TOMM20L: variants seen among roughly 807,000 people sequenced by gnomAD.
The protein encoded by TOMM20L is TOMM20-like protein 1.
TOMM20L carries 19 observed loss-of-function variants against 20.4 expected under a neutral mutation model. That is an observed-to-expected ratio of 0.93 (90% CI 0.65 to 1.36). TOMM20L has a LOEUF of 1.36. Ranked by LOEUF, TOMM20L falls within the 40% of genes most tolerant of loss-of-function variation. The probability of loss-of-function intolerance (pLI) is 0.00; values close to 1 mark genes in which losing one functional copy is unlikely to be tolerated. For synonymous variants in TOMM20L, 75 were observed against 79.6 expected (o/e 0.94, Z 0.30); for missense variants, 218 against 203.7 (o/e 1.07, Z -0.43).
At chr14:58,408,750 G>T, downstream of TOMM20L, 1 of 732,158 alleles carries the variant, frequency 1.4e-6, no homozygotes. Context: ...CACAATTGAA[G>T]AAACAATGGT....
intron 2 of TOMM20L, among the ~76,000 whole-genome samples, chr14:58,399,696 G>T (rs1335753038): frequency 6.6e-6 from 1 of 151,236 alleles, no homozygotes; most frequent in African/African-American, 2.4e-5. Context: ...CATTCTGTTG[G>T]CACCTCACCT....
Position 58,408,562 on chromosome 14 carries a change from T to G in TOMM20L, c.439T>G (p.Leu147Val). The G allele has an allele frequency of 6.2e-7, 1 of 1,614,066 alleles. No individual in the cohort carries two copies. Among genetic ancestry groups the G allele is most frequent in the East Asian group, 2.2e-5 (1 of 44,874 alleles). ...GGCAGACATGAATGAACAGGACTGC[T>G]TGGAGGATGATCCTGATTGAAAAAC... ...FEADMNEQDC[L>V]EDDPD The change falls in exon 5 of 5, where the codon TTG becomes GTG. Residue 147 changes from leucine to valine, a missense_variant. Transcript: ENST00000360945.
chr14:58,408,975 A>G, downstream of TOMM20L: 4 of 1,583,436 alleles, frequency 2.5e-6, no homozygotes, highest in South Asian at 4.7e-5. Context: ...ATGAGTCCTC[A>G]TTTCCAATAA....
chr14:58,415,435 C>A, the TOMM20L span, among the ~76,000 whole-genome samples: 2 of 152,020 alleles, frequency 1.3e-5, no homozygotes, highest in African/African-American at 4.8e-5. Flanking sequence ...TTTTAAATAG[C>A]ACCTTGTAAA....
chr14:58,401,425 C>G lies in TOMM20L; in HGVS notation c.181-1255C>G, dbSNP rs931252977. ...TCTCTACTAAAAATACAAGAATTAG[C>G]TGGGCGTGGTGATGGGCACCTATAG... is the stretch of plus-strand genomic sequence containing the variant. On this transcript the variant is annotated intron_variant, in intron 2 of 4. Coordinates refer to ENST00000360945, the MANE Select transcript of TOMM20L (RefSeq NM_207377.3). 2.6e-5 allele frequency among the ~76,000 whole-genome samples: 4 copies of G among 152,186 alleles called. No individual in the cohort carries two copies. In the South Asian group the frequency reaches 6.2e-4, roughly 24 times the overall value.
chr14:58,401,537 T>G (rs1450916826), intron 2 of TOMM20L, among the ~76,000 whole-genome samples: 2 of 142,494 alleles, frequency 1.4e-5, no homozygotes, highest in Non-Finnish European at 3.0e-5. Context: ...ACCACTGCAC[T>G]CCAGCCTGGG....
At chr14:58,396,421 C>T (rs1470104980) in intron 2 of TOMM20L, 80 bp downstream of exon 2, 14 of 1,519,298 alleles carry the variant, frequency 9.2e-6, no homozygotes, top group Non-Finnish European at 1.3e-5. Context: ...CTGGCGGGCT[C>T]GGCAGCAGGT....
Position 58,396,010 on chromosome 14 carries a change from G to GCGCCTT in TOMM20L, c.61_66dup (p.Ala21_Phe22dup), listed in dbSNP as rs539911454. The stretch of plus-strand genomic sequence containing the variant: ...CTCTTGGCCGCCGCGGCGGCCTGTG[G>GCGCCTT]CGCCTTCGCCTTCCTGGGCTATTGT... On this transcript the variant is annotated inframe_insertion, in exon 1 of 5. Coordinates refer to ENST00000360945, the MANE Select transcript of TOMM20L (RefSeq NM_207377.3). The GCGCCTT allele has an allele frequency of 2.3e-4, 339 of 1,454,572 alleles. No individual in the cohort carries two copies. The African/African-American group carries it at 4.5e-3, about 19-fold the overall frequency. 90.1% of individuals were successfully genotyped at this position (1,454,572 alleles called of 1,614,324 possible).
At chr14:58,411,420 C>G (rs1250727374), downstream of TOMM20L, among the ~76,000 whole-genome samples, 1 of 151,662 alleles carries the variant, frequency 6.6e-6, no homozygotes, top group East Asian at 1.9e-4. Context: ...TGCACTCCAG[C>G]CTGGCCGACA....
At chr14:58,396,247 C>T (rs748113731) in intron 1 of TOMM20L, 51 bp from the exon 2 acceptor site, 1 of 1,608,656 alleles carries the variant, frequency 6.2e-7, no homozygotes, top group Non-Finnish European at 8.5e-7. Flanking sequence ...TGGGCCCACG[C>T]GTGCCTCTGG....
downstream of TOMM20L, chr14:58,408,791 G>A: frequency 1.5e-6 from 1 of 672,170 alleles, no homozygotes; most frequent in Non-Finnish European, 2.4e-6. Context: ...CCAAGCTGCT[G>A]AATCATAAGG....
the TOMM20L span, among the ~76,000 whole-genome samples, chr14:58,416,388 A>C: frequency 6.6e-6 from 1 of 152,230 alleles, no homozygotes; most frequent in Non-Finnish European, 1.5e-5. Context: ...AGTGGCACAA[A>C]ATGTTTCAAG....
chr14:58,398,346 A>G (rs1380760643), intron 2 of TOMM20L, among the ~76,000 whole-genome samples: 2 of 152,210 alleles, frequency 1.3e-5, no homozygotes, highest in Non-Finnish European at 2.9e-5. Context: ...ATTGTTGTTC[A>G]TTGTAGGCAG....
At chr14:58,414,516 T>A in the TOMM20L span, among the ~76,000 whole-genome samples, 1 of 151,888 alleles carries the variant, frequency 6.6e-6, no homozygotes, top group Non-Finnish European at 1.5e-5. Flanking sequence ...GGCAGGTGGA[T>A]CACCTGAGGT....
intron 2 of TOMM20L, among the ~76,000 whole-genome samples, chr14:58,396,722 CTT>C (rs1408524700): frequency 1.3e-5 from 2 of 152,252 alleles, no homozygotes; most frequent in Non-Finnish European, 2.9e-5. Context: ...CAGGGCCTTT[CTT>C]GTAGCTCAGA....
intron 2 of TOMM20L, 92 bp downstream of exon 2, chr14:58,396,433 G>C (rs1165574162): frequency 7.0e-7 from 1 of 1,429,730 alleles, no homozygotes; most frequent in African/African-American, 1.4e-5. Context: ...GCAGCAGGTA[G>C]TTAGTTCCCT....
At chr14:58,398,300 C>T (rs1466444179) in intron 2 of TOMM20L, among the ~76,000 whole-genome samples, 1 of 152,190 alleles carries the variant, frequency 6.6e-6, no homozygotes, top group Non-Finnish European at 1.5e-5. Flanking sequence ...AGAACAGAGT[C>T]TAGTGCGGTA....
intron 3 of TOMM20L, among the ~76,000 whole-genome samples, chr14:58,405,800 AC>A (rs1427058743): frequency 1.3e-5 from 2 of 151,438 alleles, no homozygotes; most frequent in Non-Finnish European, 2.9e-5. Context: ...CACCACACCC[AC>A]CCCCCTAATA....
At chr14:58,416,060 A>G in the TOMM20L span, among the ~76,000 whole-genome samples, 259 of 151,484 alleles carry the variant, frequency 1.7e-3, 2 homozygotes, top group Admixed American at 7.8e-3. Context: ...TACTGAAAAA[A>G]AAAAAAAAAA....
Sources: allele counts gnomAD v4.1 joint callset (sites outside exome capture counted in the v4.1 genomes callset), GRCh38; gene constraint gnomAD v4.1.1; transcripts MANE v1.5; gene names NCBI Gene and HGNC (gene_info 2026-07-23, HGNC 2026-07-21).